The following STK32B variants were observed in gnomAD, a reference collection of about 807,000 sequenced individuals.
STK32B encodes serine/threonine-protein kinase 32B.
Under a neutral mutation model 52.6 loss-of-function variants are expected in STK32B, and 43 were observed. That is an observed-to-expected ratio of 0.82 (90% CI 0.64 to 1.05). STK32B has a LOEUF of 1.05. Ranked by LOEUF, STK32B falls within the 50% of genes least tolerant of loss-of-function variation. The probability of loss-of-function intolerance (pLI) is 0.00; values close to 1 mark genes in which losing one functional copy is unlikely to be tolerated. For synonymous variants in STK32B, 238 were observed against 204.3 expected, an observed-to-expected ratio of 1.17 and a Z score of -1.41; for missense variants, 621 against 534.6, an observed-to-expected ratio of 1.16 and a Z score of -1.59.
At chr4:5,287,689 C>CT (rs11447982) in intron 3 of STK32B, among the ~76,000 whole-genome samples, 23,143 of 150,624 alleles carry the variant, frequency 0.15, 5,177 homozygotes, top group African/African-American at 0.49. Context: ...TTATAAAATT[C>CT]TTTTTTTTTA....
intron 6 of STK32B, among the ~76,000 whole-genome samples, chr4:5,437,441 C>T (rs1714185512): frequency 6.6e-6 from 1 of 152,236 alleles, no homozygotes; most frequent in Non-Finnish European, 1.5e-5. Context: ...TTTGTCTTCA[C>T]ATGGCCGTCT....
At chr4:5,075,042 C>T (rs891795224) in intron 1 of STK32B, among the ~76,000 whole-genome samples, 11 of 152,290 alleles carry the variant, frequency 7.2e-5, no homozygotes, top group Admixed American at 6.5e-4. Context: ...TGGAGTTTCA[C>T]CCCATTCATG....
chr4:5,205,708 G>A (rs549824068), intron 3 of STK32B, among the ~76,000 whole-genome samples: 186 of 133,212 alleles, frequency 1.4e-3, no homozygotes, highest in African/African-American at 4.7e-3. Context: ...GCGCGCGTGT[G>A]TGTGTGTGTG....
intron 2 of STK32B, among the ~76,000 whole-genome samples, chr4:5,144,461 C>T (rs902670481): frequency 1.3e-5 from 2 of 152,114 alleles, no homozygotes; most frequent in African/African-American, 4.8e-5. Flanking sequence ...CAGTTTGTGG[C>T]GTGAAGATTT....
chr4:5,376,284 A>G (rs1263120695), intron 4 of STK32B, among the ~76,000 whole-genome samples: 1 of 152,144 alleles, frequency 6.6e-6, no homozygotes, highest in Non-Finnish European at 1.5e-5. Flanking sequence ...ATTCTTTTAC[A>G]GTCTTGCTGG....
chr4:5,080,632 TA>T (rs1430901392), intron 1 of STK32B, among the ~76,000 whole-genome samples: 1 of 152,158 alleles, frequency 6.6e-6, no homozygotes, highest in African/African-American at 2.4e-5. Flanking sequence ...ATAAGGCAGA[TA>T]TTTTTTCCAA....
chr4:5,181,770 A>G (rs942160703), intron 3 of STK32B, among the ~76,000 whole-genome samples: 1 of 152,260 alleles, frequency 6.6e-6, no homozygotes, highest in African/African-American at 2.4e-5. Flanking sequence ...AGTCTTCAAC[A>G]AGTTTTAATC....
chr4:5,345,699 G>A (rs1056243839), intron 4 of STK32B, among the ~76,000 whole-genome samples: 13 of 152,334 alleles, frequency 8.5e-5, no homozygotes, highest in Admixed American at 8.5e-4. Context: ...AAGTCACCAA[G>A]CTTGAGGGCC....
chr4:5,189,753 T>C (rs1459728251), intron 3 of STK32B, among the ~76,000 whole-genome samples: 2 of 152,162 alleles, frequency 1.3e-5, no homozygotes, highest in African/African-American at 4.8e-5. Flanking sequence ...AAAATGGCTG[T>C]GCCATTTTGG....
At position 5,459,298 on chromosome 4, in the gene STK32B, T is replaced by G. The variant is rs1380381371; in HGVS notation, c.784-805T>G. ...CCCTGGTGTGCCCCCCCCCCCCACC[T>G]TTCTAAGTATGTGCCAGGTCCTTAC... On this transcript the variant is annotated intron_variant, in intron 8 of 11. Coordinates refer to ENST00000282908, the MANE Select transcript of STK32B (RefSeq NM_018401.3). Among the ~76,000 whole-genome samples the G allele has an allele frequency of 3.1e-5, 3 of 97,126 alleles. No individual in the cohort carries two copies. The South Asian group carries it at 1.6e-3, about 52-fold the overall frequency. 63.7% of individuals were successfully genotyped at this position (97,126 alleles called of 152,430 possible). A position where few individuals can be genotyped will look rare whatever the true frequency, so the allele number is the denominator to read the frequency against.
intron 4 of STK32B, among the ~76,000 whole-genome samples, chr4:5,382,417 AC>A (rs1268572824): frequency 6.6e-6 from 1 of 152,146 alleles, no homozygotes; most frequent in Non-Finnish European, 1.5e-5. Flanking sequence ...GCCGGATAAT[AC>A]AGCCACAATG....
At chr4:5,358,452 TTCTCCCTCCAGCTCTG>T in intron 4 of STK32B, among the ~76,000 whole-genome samples, 1 of 152,214 alleles carries the variant, frequency 6.6e-6, no homozygotes, top group African/African-American at 2.4e-5. Context: ...TATTCCCGTG[TTCTCCCTCCAGCTCTG>T]AATCTCTTCC....
At chr4:5,227,992 G>A (rs1270360510) in intron 3 of STK32B, among the ~76,000 whole-genome samples, 1 of 151,994 alleles carries the variant, frequency 6.6e-6, no homozygotes, top group Non-Finnish European at 1.5e-5. Context: ...TTTATCCTTG[G>A]AATAAATGAG....
intron 1 of STK32B, among the ~76,000 whole-genome samples, chr4:5,052,229 G>A (rs1367859227): frequency 6.6e-6 from 1 of 152,112 alleles, no homozygotes; most frequent in African/African-American, 2.4e-5. Context: ...GAGGCCAGTC[G>A]GGATGGTTCT....
At chr4:5,112,599 T>G (rs1376885855) in intron 1 of STK32B, among the ~76,000 whole-genome samples, 1 of 152,138 alleles carries the variant, frequency 6.6e-6, no homozygotes, top group African/African-American at 2.4e-5. Context: ...GTCTGCCAAT[T>G]CAAATGTTAA....
intron 3 of STK32B, among the ~76,000 whole-genome samples, chr4:5,239,075 T>G (rs945376915): frequency 6.6e-6 from 1 of 152,090 alleles, no homozygotes; most frequent in Non-Finnish European, 1.5e-5. Context: ...TGGGGATGCA[T>G]TCCATGCTGC....
At chr4:5,281,298 A>G (rs1577288185) in intron 3 of STK32B, among the ~76,000 whole-genome samples, 1 of 152,204 alleles carries the variant, frequency 6.6e-6, no homozygotes, top group East Asian at 1.9e-4. Flanking sequence ...TCACTATGGC[A>G]TAATAATAAC....
intron 3 of STK32B, among the ~76,000 whole-genome samples, chr4:5,317,586 A>G (rs937465165): frequency 1.5e-5 from 2 of 136,304 alleles, no homozygotes; most frequent in Admixed American, 1.6e-4. Context: ...TAAGGAGGAC[A>G]TTAGGCTTAA....
chr4:5,288,697 T>C (rs1728700203), intron 3 of STK32B, among the ~76,000 whole-genome samples: 1 of 152,192 alleles, frequency 6.6e-6, no homozygotes, highest in South Asian at 2.1e-4. Context: ...ATTGTCTTTC[T>C]GCTTTCTTGA....
Sources: gnomAD v4.1 joint callset for allele counts (sites outside exome capture counted in the v4.1 genomes callset) on GRCh38, gnomAD v4.1.1 for gene constraint, MANE v1.5 for transcripts, NCBI Gene and HGNC (gene_info 2026-07-23, HGNC 2026-07-21) for gene names.